Variants in MDN1 observed in about 807,000 individuals in gnomAD.
The protein encoded by MDN1 is midasin.
Under a neutral mutation model 669.2 loss-of-function variants are expected in MDN1, and 266 were observed. The observed-to-expected ratio is 0.40, with a 90% CI of 0.36 to 0.44. MDN1 has a LOEUF of 0.44. MDN1 is among the 20% of genes least tolerant of loss of function. The pLI is 1.00. For missense variants in MDN1, 5,940 were observed against 6,754.0 expected, an observed-to-expected ratio of 0.88 and a Z score of 4.22; for synonymous variants, 2,385 against 2,457.1, an observed-to-expected ratio of 0.97 and a Z score of 0.87.
chr6:89,680,133 A>G (rs939231354), intron 74 of MDN1, among the ~76,000 whole-genome samples: 7 of 152,186 alleles, frequency 4.6e-5, no homozygotes, highest in Non-Finnish European at 1.0e-4. Flanking sequence ...GTGTTACACT[A>G]TGAGATCTTC....
At position 89,699,727 on chromosome 6, in the gene MDN1, T is replaced by C; in HGVS notation, c.8871A>G (p.Arg2957=). The stretch of plus-strand genomic sequence containing the variant: ...TCTGGGGTTGTTGATTTTTGCTGCA[T>C]CTGTTCCAAAAATAAAGAGGGAGAG... ...ADFMAQACLR[R]CSKNQQPQIN... Residue 2957 remains arginine (R), a splice_region_variant and synonymous_variant, in exon 58 of 102, where the codon AGA becomes AGG. Transcript: ENST00000369393. The C allele has an allele frequency of 6.2e-7, 1 of 1,613,786 alleles. No homozygotes were observed. The highest frequency in any genetic ancestry group is 8.5e-7 in the Non-Finnish European group (1 of 1,179,870).
rs1190346561 is a variant in MDN1, at chr6:89,688,630, G to T, written c.11202C>A (p.Phe3734Leu). Reference sequence around the variant, plus strand: ...GTAGCAAGTGACTGACAGCCTCTGAGAAACCTTGAAGCACAGGTTGACACT... The same window carrying T: ...GTAGCAAGTGACTGACAGCCTCTGATAAACCTTGAAGCACAGGTTGACACT... ...ARQCQPVLQG[F>L]SEAVSHLLQD... Residue 3734 changes from phenylalanine (F) to leucine (L), a missense_variant, in exon 66 of 102, where the codon TTC (phenylalanine) becomes TTA (leucine). Coordinates refer to ENST00000369393, the MANE Select transcript of MDN1 (RefSeq NM_014611.3). 1 of 1,614,184 alleles carries T rather than the reference G, an allele frequency of 6.2e-7. No individual in the cohort carries two copies. The highest frequency in any genetic ancestry group is 1.3e-5 in the African/African-American group (1 of 75,018).
chr6:89,701,594 C>A lies in MDN1; in HGVS notation c.8391G>T (p.Lys2797Asn). Residue 2797 changes from lysine (K) to asparagine (N), a missense_variant, in exon 55 of 102, where the codon AAG becomes AAT. Physicochemically the swap from Lys to Asn is moderately conservative, Grantham distance 94. Coordinates refer to ENST00000369393, the MANE Select transcript of MDN1 (RefSeq NM_014611.3). ...ACGGTCGTCCCAGGAACTTCTGCAA[C>A]TTCTTTATACCAGCGAAGCCACCAG... ...SQTGGFAGIK[K>N]LQKFLGRPFP... 6.2e-7 allele frequency: 1 copy of A among 1,614,190 alleles called. No homozygotes were observed. The highest frequency in any genetic ancestry group is 8.5e-7 in the Non-Finnish European group (1 of 1,180,018).
chr6:89,683,156 C>A lies in MDN1; in HGVS notation c.12078G>T (p.Leu4026=). 2 of 1,614,040 alleles carry A rather than the reference C, an allele frequency of 1.2e-6. No homozygotes were observed. The highest frequency in any genetic ancestry group is 4.5e-5 in the East Asian group (2 of 44,888). Residue 4026 remains leucine, a synonymous_variant, in exon 73 of 102, where the codon CTG becomes CTT. Transcript: ENST00000369393. ...CCTGCCCAGCTGCTGGTTGGGCTAACAGGGTCTCCCTCAGTGCCCTGTTCA... is the reference window on the plus strand; with the variant it reads ...CCTGCCCAGCTGCTGGTTGGGCTAAAAGGGTCTCCCTCAGTGCCCTGTTCA... ...QNLNRALRET[L]LAQPAAGQAT...
chr6:89,738,522 G>A (rs1816121923), intron 32 of MDN1, 67 bp from the exon 33 acceptor site: 1 of 1,567,536 alleles, frequency 6.4e-7, no homozygotes, highest in African/African-American at 1.4e-5. Context: ...AACAAGTCTT[G>A]AAAGAATGTT....
rs991991702 is a variant in MDN1, at chr6:89,642,915, C to T, written c.*1090G>A. ...AAGGAATCTGTGTCTTTGATGACCACCTCAAAAGGGTCGCAGACTTCACAG... is the reference window on the plus strand; with the variant it reads ...AAGGAATCTGTGTCTTTGATGACCATCTCAAAAGGGTCGCAGACTTCACAG... On this transcript the variant is annotated 3_prime_UTR_variant, in exon 102 of 102. Transcript: ENST00000369393. The T allele has an allele frequency of 3.9e-5, 6 of 152,178 alleles. No homozygotes were observed. The highest frequency in any genetic ancestry group is 5.9e-5 in the Non-Finnish European group (4 of 68,032). The allele number at this position is 152,178 out of a possible 1,614,324, so 9.4% of individuals were successfully genotyped here.
intron 85 of MDN1, among the ~76,000 whole-genome samples, chr6:89,663,590 CA>C (rs1809961457): frequency 6.6e-6 from 1 of 152,074 alleles, no homozygotes; most frequent in Non-Finnish European, 1.5e-5. Context: ...TTTAAAAAAT[CA>C]AATTCTCAAA....
In MDN1 at chr6:89,685,833, C is replaced by G; in HGVS notation, c.11713G>C (p.Gly3905Arg). The G allele has an allele frequency of 6.2e-7, 1 of 1,613,054 alleles. No homozygotes were observed. The highest frequency in any genetic ancestry group is 8.5e-7 in the Non-Finnish European group (1 of 1,179,850). The change falls in exon 70 of 102, where the codon GGA (glycine) becomes CGA (arginine). Residue 3905 changes from glycine to arginine, a missense_variant. By Grantham distance (125) the Gly-to-Arg change is moderately radical. Around this residue, in one of 5 missense-constraint regions of MDN1, gnomAD observed 2,280 missense variants for 2,576.3 expected, o/e 0.88. Transcript: ENST00000369393. ...AGGAAAAAAAAATCCTCACCCTTTCCTTCAACCTGTGGCATCAGCAAGACA... is the reference window on the plus strand; with the variant it reads ...AGGAAAAAAAAATCCTCACCCTTTCGTTCAACCTGTGGCATCAGCAAGACA... ...CHVLLMPQVE[G>R]KDSLCSVLWN... is the part of the protein sequence containing the mutation.
intron 59 of MDN1, among the ~76,000 whole-genome samples, chr6:89,698,620 GT>G (rs1812937006): frequency 6.6e-6 from 1 of 152,170 alleles, no homozygotes; most frequent in East Asian, 1.9e-4. Context: ...TGGGAAAAAT[GT>G]TTTAATTAGA....
intron 17 of MDN1, 92 bp from the exon 18 acceptor site, chr6:89,759,052 G>T: frequency 7.6e-7 from 1 of 1,323,874 alleles, no homozygotes. Context: ...AAATAGAGGC[G>T]GGGCAAATCT....
At chr6:89,697,624 C>T (rs1188237761) in intron 59 of MDN1, among the ~76,000 whole-genome samples, 1 of 151,788 alleles carries the variant, frequency 6.6e-6, no homozygotes, top group Non-Finnish European at 1.5e-5. Flanking sequence ...CTGTGTAACC[C>T]AGACTGGAGT....
At position 89,773,409 on chromosome 6, in the gene MDN1, G is replaced by A. The variant is rs575728592; in HGVS notation, c.1935-688C>T. On this transcript the variant is annotated intron_variant, in intron 13 of 101. Transcript: ENST00000369393. ...ACAAAAATTACCCAGGCGTGGTGGTGGATGCCTGCAGTTCCAGCTACTCGG... is the reference window on the plus strand; with the variant it reads ...ACAAAAATTACCCAGGCGTGGTGGTAGATGCCTGCAGTTCCAGCTACTCGG... Among the ~76,000 whole-genome samples the A allele has an allele frequency of 6.4e-4, 97 of 151,824 alleles. No individual in the cohort carries two copies. In the Middle Eastern group the frequency reaches 0.024, roughly 37 times the overall value.
rs367635541 is a variant in MDN1 at position 89,749,301 on chromosome 6, C to T, written c.3684G>A (p.Leu1228=). 2.0e-5 allele frequency: 32 copies of T among 1,613,916 alleles called. No homozygotes were observed. The highest frequency in any genetic ancestry group is 2.5e-5 in the Non-Finnish European group (30 of 1,180,000). ...TACACCGCTTGTGCAAGATTGTTTC[C>T]AACTCGGAGCTAGGTAACTCATCAA... ...LHFDELPSSE[L]ETILHKRCSL... The change falls in exon 26 of 102, where the codon TTG becomes TTA. Residue 1228 remains leucine, a synonymous_variant. Transcript: ENST00000369393.
Position 89,723,052 on chromosome 6 carries a change from A to G in MDN1, c.5870T>C (p.Leu1957Ser), listed in dbSNP as rs758600339. The stretch of plus-strand genomic sequence containing the variant: ...CCCAGGGGACTGGTCAACCAGCATC[A>G]ACTGACACCAGCGGAAAAGGTCCCG... ...NLRDLFRWCQ[L>S]MLVDQSPGCY... Residue 1957 changes from leucine to serine, a missense_variant, in exon 40 of 102, where the codon TTG (leucine) becomes TCG (serine). By Grantham distance (145) the Leu-to-Ser change is moderately radical (BLOSUM62 -2). Around this residue, in one of 5 missense-constraint regions of MDN1, gnomAD observed 2,292 missense variants for 2,638.3 expected, o/e 0.87. Coordinates refer to ENST00000369393, the MANE Select transcript of MDN1 (RefSeq NM_014611.3). The G allele has an allele frequency of 6.2e-7, 1 of 1,614,126 alleles. No individual in the cohort carries two copies. The highest frequency in any genetic ancestry group is 1.1e-5 in the South Asian group (1 of 91,078).
At chr6:89,718,286 C>T (rs1236833369) in intron 43 of MDN1, 80 bp downstream of exon 43, 1 of 1,399,924 alleles carries the variant, frequency 7.1e-7, no homozygotes, top group African/African-American at 1.4e-5. Context: ...TAATACAAAA[C>T]ATTTGTAAAT....
chr6:89,791,875 A>ATTTT (rs66492732), intron 5 of MDN1, among the ~76,000 whole-genome samples: 18 of 114,022 alleles, frequency 1.6e-4, no homozygotes, highest in African/African-American at 1.7e-4. Context: ...AAAACTTTTA[A>ATTTT]TTTTTTTTTT....
chr6:89,678,399 A>C (rs1466829590), intron 75 of MDN1, among the ~76,000 whole-genome samples, 200 bp downstream of exon 75: 1 of 152,184 alleles, frequency 6.6e-6, no homozygotes, highest in Non-Finnish European at 1.5e-5. Context: ...CAAAGCGGGA[A>C]ATATTTGGGA....
intron 15 of MDN1, among the ~76,000 whole-genome samples, chr6:89,767,091 G>T (rs1220190857): frequency 6.6e-6 from 1 of 152,036 alleles, no homozygotes; most frequent in Admixed American, 6.6e-5. Context: ...TTTCTGGAGT[G>T]ATTTTATCTG....
At chr6:89,818,156 A>G (rs568475497) in intron 1 of MDN1, among the ~76,000 whole-genome samples, 1 of 151,678 alleles carries the variant, frequency 6.6e-6, no homozygotes, top group South Asian at 2.1e-4. Flanking sequence ...TGTCTCTACT[A>G]AAAATACAAA....
Sources: allele counts gnomAD v4.1 joint callset (sites outside exome capture counted in the v4.1 genomes callset), GRCh38; gene constraint gnomAD v4.1.1; regional missense constraint gnomAD v4.1.1; transcripts MANE v1.5; gene names NCBI Gene and HGNC (gene_info 2026-07-23, HGNC 2026-07-21).